Variants in OR51B5 observed in about 807,000 individuals in gnomAD.
The protein encoded by OR51B5 is olfactory receptor family 51 subfamily B member 5.
For missense variants in OR51B5, 456 were observed against 374.6 expected (o/e 1.22, Z -1.79); for synonymous variants, 186 against 144.8 (o/e 1.28, Z -2.04).
chr11:5,361,257 C>T (rs1849279887), intron 1 of OR51B5, among the ~76,000 whole-genome samples: 1 of 152,172 alleles, frequency 6.6e-6, no homozygotes, highest in African/African-American at 2.4e-5. Context: ...GGCTAATTCC[C>T]TAACCTAGAT....
intron 1 of OR51B5, chr11:5,402,660 G>C (rs1849989000): frequency 2.1e-6 from 1 of 471,138 alleles, no homozygotes. Flanking sequence ...TGGCATCCCA[G>C]GGCTGGAGTC....
At chr11:5,478,712 A>C (rs1354168992) in intron 1 of OR51B5, among the ~76,000 whole-genome samples, 1 of 151,742 alleles carries the variant, frequency 6.6e-6, no homozygotes, top group Non-Finnish European at 1.5e-5. Flanking sequence ...TACGTGAAGA[A>C]TGCAGAAGCC....
chr11:5,488,884 G>A (rs748477426), intron 1 of OR51B5: 2 of 1,613,878 alleles, frequency 1.2e-6, no homozygotes, highest in African/African-American at 1.3e-5. Flanking sequence ...TGCTCTTCAT[G>A]CACCTATGTA....
chr11:5,414,231 C>T (rs1850197768), intron 1 of OR51B5, among the ~76,000 whole-genome samples: 1 of 151,516 alleles, frequency 6.6e-6, no homozygotes, highest in Non-Finnish European at 1.5e-5. Flanking sequence ...CAAGCAAATG[C>T]TGAGAGATTT....
At chr11:5,474,734 G>C (rs10838178) in intron 1 of OR51B5, among the ~76,000 whole-genome samples, 36,588 of 152,098 alleles carry the variant, frequency 0.24, 5,500 homozygotes, top group Non-Finnish European at 0.33. Context: ...GTGTTGGTTA[G>C]TGTAAACTCA....
At chr11:5,416,904 C>A (rs1171350910) in intron 1 of OR51B5, among the ~76,000 whole-genome samples, 1 of 151,834 alleles carries the variant, frequency 6.6e-6, no homozygotes, top group Admixed American at 6.6e-5. Context: ...CAATGTCTTT[C>A]TTCACAGAAT....
intron 1 of OR51B5, among the ~76,000 whole-genome samples, chr11:5,383,145 A>G (rs1237276710): frequency 6.6e-6 from 1 of 152,180 alleles, no homozygotes; most frequent in East Asian, 1.9e-4. Context: ...GAAGGAAAAA[A>G]GTTTTGTAAA....
rs7946291 is a variant in OR51B5 at position 5,364,442 on chromosome 11, T to G, written n.85-17532A>C. Among the ~76,000 whole-genome samples, 596 of 152,342 alleles carry G rather than the reference T, an allele frequency of 3.9e-3. 2 individuals carry two copies. Among genetic ancestry groups the G allele is most frequent in the African/African-American group, 0.01 (426 of 41,580 alleles). ...TGACAGGATATGAGAGCTGCACATCTTTCTGTTTAGAAATTCCTGCCATAT... is the reference window on the plus strand; with the variant it reads ...TGACAGGATATGAGAGCTGCACATCGTTCTGTTTAGAAATTCCTGCCATAT... On this transcript the variant is annotated intron_variant and non_coding_transcript_variant, in intron 1 of 4. Transcript: ENST00000415970.
intron 1 of OR51B5, among the ~76,000 whole-genome samples, chr11:5,497,316 G>A (rs1564833804): frequency 6.6e-6 from 1 of 152,176 alleles, no homozygotes; most frequent in African/African-American, 2.4e-5. Flanking sequence ...AGAGGCTGAG[G>A]CAGGAGAATC....
chr11:5,398,487 G>A (rs1849916410), intron 1 of OR51B5, among the ~76,000 whole-genome samples: 1 of 152,180 alleles, frequency 6.6e-6, no homozygotes, highest in Non-Finnish European at 1.5e-5. Context: ...CACAGTGGCA[G>A]GGACTTGCTG....
chr11:5,351,830 T>C, intron 1 of OR51B5: 1 of 1,614,106 alleles, frequency 6.2e-7, no homozygotes, highest in Non-Finnish European at 8.5e-7. Context: ...CTTTCTGTCA[T>C]GGAGTCAGGT....
At chr11:5,350,765 C>T (rs4910753) in intron 1 of OR51B5, among the ~76,000 whole-genome samples, 1 of 152,058 alleles carries the variant, frequency 6.6e-6, no homozygotes, top group Admixed American at 6.5e-5. Context: ...AATTTGAATT[C>T]TTTGAAGCAG....
At chr11:5,504,716 AC>A (rs1216044617) in intron 1 of OR51B5, among the ~76,000 whole-genome samples, 1 of 151,948 alleles carries the variant, frequency 6.6e-6, no homozygotes, top group Non-Finnish European at 1.5e-5. Flanking sequence ...TAACTTAGTC[AC>A]TCATTGTTTA....
At position 5,412,587 on chromosome 11, in the gene OR51B5, C is replaced by A. The variant is rs370046146; in HGVS notation, n.85-65677G>T. The stretch of plus-strand genomic sequence containing the variant: ...CCTGGAAAATCGGGTCACTGCCACC[C>A]GAATACTGCGCTTTTCCAACGGGCT... On this transcript the variant is annotated intron_variant and non_coding_transcript_variant, in intron 1 of 4. Transcript: ENST00000415970. 1.7e-3 allele frequency among the ~76,000 whole-genome samples: 252 copies of A among 152,322 alleles called. 1 individual carries two copies. Among genetic ancestry groups the A allele is most frequent in the African/African-American group, 5.8e-3 (242 of 41,564 alleles).
chr11:5,497,395 G>A (rs1391175007), intron 1 of OR51B5, among the ~76,000 whole-genome samples: 1 of 152,126 alleles, frequency 6.6e-6, no homozygotes, highest in East Asian at 1.9e-4. Context: ...CTGGGCAACA[G>A]AGCAAGACTC....
intron 1 of OR51B5, chr11:5,422,415 A>C: frequency 6.2e-7 from 1 of 1,614,090 alleles, no homozygotes. Context: ...GCCCTGACGG[A>C]CCTGGGTCTC....
intron 1 of OR51B5, among the ~76,000 whole-genome samples, chr11:5,484,550 C>T (rs1405927207): frequency 1.3e-5 from 2 of 152,196 alleles, no homozygotes; most frequent in Non-Finnish European, 1.5e-5. Context: ...CCAAAACCAT[C>T]TAGTGTCATC....
intron 1 of OR51B5, among the ~76,000 whole-genome samples, chr11:5,350,415 T>G (rs1205525425): frequency 6.6e-6 from 1 of 152,198 alleles, no homozygotes; most frequent in Non-Finnish European, 1.5e-5. Context: ...GTATATGAGA[T>G]GTATAGTCCA....
At chr11:5,405,821 T>C (rs1253336097) in intron 1 of OR51B5, among the ~76,000 whole-genome samples, 2 of 152,190 alleles carry the variant, frequency 1.3e-5, no homozygotes, top group African/African-American at 2.4e-5. Context: ...GATTCTGACC[T>C]GGGGATCTGC....
Sources: gnomAD v4.1 joint callset for allele counts (sites outside exome capture counted in the v4.1 genomes callset) on GRCh38, gnomAD v4.1.1 for gene constraint, MANE v1.5 for transcripts, NCBI Gene and HGNC (gene_info 2026-07-23, HGNC 2026-07-21) for gene names.